Variants in BPTF observed in about 807,000 individuals in gnomAD.
The protein encoded by BPTF is nucleosome-remodeling factor subunit BPTF.
In BPTF, 18 loss-of-function variants were observed where a neutral mutation model predicts 292.5. The ratio of observed to expected loss-of-function variants is 0.06; its 90% CI spans 0.04 to 0.09. The LOEUF is 0.09. Among genes scored for constraint, BPTF ranks in the 10% least tolerant of loss-of-function variants. BPTF has a pLI of 1.00. For missense variants in BPTF, 2,726 were observed against 3,498.7 expected, an observed-to-expected ratio of 0.78 and a Z score of 5.57; for synonymous variants, 1,225 against 1,251.9, an observed-to-expected ratio of 0.98 and a Z score of 0.45.
intron 2 of BPTF, among the ~76,000 whole-genome samples, chr17:67,858,602 A>G (rs532010798): frequency 6.7e-6 from 1 of 148,150 alleles, no homozygotes; most frequent in East Asian, 1.9e-4. Context: ...TTGTCATTGT[A>G]AGTGGAAATT....
intron 7 of BPTF, 62 bp downstream of exon 7, chr17:67,894,227 A>G (rs2061301587): frequency 2.0e-6 from 3 of 1,506,892 alleles, no homozygotes; most frequent in East Asian, 4.6e-5. Context: ...ATACTAGCCT[A>G]TTAATAATGA....
chr17:67,939,843 G>A (rs1051660640), intron 18 of BPTF, among the ~76,000 whole-genome samples: 7 of 152,186 alleles, frequency 4.6e-5, no homozygotes, highest in Admixed American at 4.6e-4. Context: ...TCACGCCACC[G>A]CACTCCAGCC....
chr17:67,948,800 C>T (rs2066005073), intron 23 of BPTF, among the ~76,000 whole-genome samples: 2 of 152,124 alleles, frequency 1.3e-5, no homozygotes, highest in Admixed American at 1.3e-4. Flanking sequence ...CCATCCTGGC[C>T]AACATGGCGA....
At position 67,922,334 on chromosome 17, in the gene BPTF, A is replaced by G. The variant is rs116120133; in HGVS notation, c.5558-506A>G. 3.4e-3 allele frequency among the ~76,000 whole-genome samples: 515 copies of G among 152,112 alleles called. 2 individuals are homozygous for G. Among genetic ancestry groups the G allele is most frequent in the African/African-American group, 0.012 (491 of 41,482 alleles). On this transcript the variant is annotated intron_variant, in intron 13 of 27. Transcript: ENST00000306378. Reference sequence around the variant, plus strand: ...ATCTTTTTATGAGGAGATTTTATCTATTCTTAGGTTTCACATCTCCACTTT... The same window carrying G: ...ATCTTTTTATGAGGAGATTTTATCTGTTCTTAGGTTTCACATCTCCACTTT...
At position 67,920,709 on chromosome 17, in the gene BPTF, G is replaced by A. The variant is rs144638228; in HGVS notation, c.5557+566G>A. 6.1e-4 allele frequency among the ~76,000 whole-genome samples: 93 copies of A among 152,260 alleles called. No individual in the cohort carries two copies. In the East Asian group the frequency reaches 0.017, roughly 28 times the overall value. On this transcript the variant is annotated intron_variant, in intron 13 of 27. Coordinates refer to ENST00000306378, the MANE Select transcript of BPTF (RefSeq NM_182641.4). ...TAGTATTATAATATCAGTGTTATAT[G>A]TGTTGCAGTAAGCTAAGAGAGTAAT...
chr17:67,845,510 C>T (rs1478814539), intron 1 of BPTF, among the ~76,000 whole-genome samples: 1 of 152,154 alleles, frequency 6.6e-6, no homozygotes, highest in Non-Finnish European at 1.5e-5. Flanking sequence ...TGGTGGTTCA[C>T]GCTTGTAATC....
chr17:67,967,817 A>G (rs79627915), intron 26 of BPTF, among the ~76,000 whole-genome samples: 1 of 133,856 alleles, frequency 7.5e-6, no homozygotes. Flanking sequence ...AGACTCTGTC[A>G]AAAAAAAAAA....
Position 67,928,740 on chromosome 17 carries a change from G to A in BPTF, c.5998+139G>A, listed in dbSNP as rs995200494. 1.3e-5 allele frequency: 15 copies of A among 1,159,508 alleles called. No individual in the cohort carries two copies. In the African/African-American group the frequency reaches 2.2e-4, roughly 17 times the overall value. The allele number at this position is 1,159,508 out of a possible 1,614,324, so 71.8% of individuals were successfully genotyped here. On this transcript the variant is annotated intron_variant, in intron 16 of 27. Transcript: ENST00000306378. ...GTTGAGCAAACAAGCTGTAACGGTT[G>A]GTTTGTTACAAATAATGTTCATAAT...
chr17:67,862,892 C>T (rs1211893218), intron 2 of BPTF, among the ~76,000 whole-genome samples: 11 of 150,922 alleles, frequency 7.3e-5, no homozygotes, highest in Non-Finnish European at 7.4e-5. Flanking sequence ...ATTCCAATCT[C>T]CCTGTCACTA....
intron 1 of BPTF, among the ~76,000 whole-genome samples, chr17:67,850,826 C>T (rs556921278): frequency 2.6e-5 from 4 of 152,106 alleles, no homozygotes; most frequent in Non-Finnish European, 5.9e-5. Flanking sequence ...TGTTTCTTTG[C>T]TTTTATAAAC....
At chr17:67,856,726 G>A (rs2058713485) in intron 2 of BPTF, among the ~76,000 whole-genome samples, 1 of 152,148 alleles carries the variant, frequency 6.6e-6, no homozygotes, top group South Asian at 2.1e-4. Context: ...AGGTCTTGCT[G>A]GTGGTATTCT....
Position 67,982,423 on chromosome 17 carries a change from A to G in BPTF, c.*135A>G. 8.3e-6 allele frequency: 6 copies of G among 726,764 alleles called. No individual in the cohort carries two copies. Among genetic ancestry groups the G allele is most frequent in the Non-Finnish European group, 1.3e-5 (6 of 462,314 alleles). The allele number at this position is 726,764 out of a possible 1,614,324, so 45.0% of individuals were successfully genotyped here. ...CTAAACTTCGTTTTTATTGGTCATA[A>G]CAGTCCAATTATATTCTTGGCCAAT... On this transcript the variant is annotated 3_prime_UTR_variant, in exon 28 of 28. Transcript: ENST00000306378.
At chr17:67,884,359 G>A (rs1001021533) in intron 4 of BPTF, among the ~76,000 whole-genome samples, 3 of 150,812 alleles carry the variant, frequency 2.0e-5, no homozygotes, top group Non-Finnish European at 3.0e-5. Flanking sequence ...CAGGTGATCC[G>A]CCCACCTCAG....
intron 23 of BPTF, among the ~76,000 whole-genome samples, chr17:67,953,416 C>T (rs1194788530): frequency 2.0e-5 from 3 of 151,202 alleles, no homozygotes; most frequent in Non-Finnish European, 4.4e-5. Flanking sequence ...CCACTGCACT[C>T]GGCTAATTTT....
At chr17:67,875,861 A>G (rs1032639964) in intron 4 of BPTF, 60 of 861,172 alleles carry the variant, frequency 7.0e-5, no homozygotes, top group Non-Finnish European at 8.9e-5. Context: ...GCTTGCTTAC[A>G]GTGCCATCCC....
At chr17:67,947,218 T>C (rs1555675951) in intron 21 of BPTF, among the ~76,000 whole-genome samples, 1 of 152,222 alleles carries the variant, frequency 6.6e-6, no homozygotes, top group Non-Finnish European at 1.5e-5. Context: ...GTCATATATA[T>C]TATATTTAAA....
chr17:67,925,263 AT>A (rs2063776784), intron 15 of BPTF, among the ~76,000 whole-genome samples: 1 of 152,106 alleles, frequency 6.6e-6, no homozygotes, highest in Non-Finnish European at 1.5e-5. Context: ...AATCTGGAAA[AT>A]TTCTGTAGTC....
chr17:67,854,124 C>A lies in BPTF; in HGVS notation c.798C>A (p.Arg266=). Residue 266 remains arginine (R), a synonymous_variant, in exon 2 of 28, where the codon CGC becomes CGA. Transcript: ENST00000306378. The surrounding 1 kb of genome is among the most constrained non-coding windows in gnomAD (Gnocchi z 5.6). Reference sequence around the variant, plus strand: ...CTGTTTTGAGATTATCTCCTTTTCGCTTTGAGGACTTTTGTGCAGCTCTGG... The same window carrying A: ...CTGTTTTGAGATTATCTCCTTTTCGATTTGAGGACTTTTGTGCAGCTCTGG... ...FGTVLRLSPF[R]FEDFCAALVS... 1 of 1,614,174 alleles carries A rather than the reference C, an allele frequency of 6.2e-7. No homozygotes were observed. The highest frequency in any genetic ancestry group is 8.5e-7 in the Non-Finnish European group (1 of 1,180,038).
chr17:67,829,906 A>G (rs1157717786), intron 1 of BPTF, among the ~76,000 whole-genome samples: 1 of 152,244 alleles, frequency 6.6e-6, no homozygotes, highest in Non-Finnish European at 1.5e-5. Flanking sequence ...ATTAGTTGAC[A>G]TTACTAAAGT....
Sources: gnomAD v4.1 joint callset for allele counts (sites outside exome capture counted in the v4.1 genomes callset) on GRCh38, gnomAD v4.1.1 for gene constraint, Gnocchi (gnomAD v3.1) non-coding constraint, MANE v1.5 for transcripts, NCBI Gene and HGNC (gene_info 2026-07-23, HGNC 2026-07-21) for gene names.